Variants in PRKCE observed in about 807,000 individuals in gnomAD.
PRKCE encodes protein kinase C epsilon.
PRKCE carries 16 observed loss-of-function variants against 85.4 expected under a neutral mutation model. The observed-to-expected ratio is 0.19, with a 90% confidence interval of 0.13 to 0.28. The LOEUF (loss-of-function observed/expected upper bound fraction) is 0.28, where lower values mean the gene tolerates loss of function less well. PRKCE is among the 10% of genes least tolerant of loss of function. The probability of loss-of-function intolerance (pLI) is 1.00; values close to 1 mark genes in which losing one functional copy is unlikely to be tolerated. For missense variants in PRKCE, 573 were observed against 975.2 expected, an observed-to-expected ratio of 0.59 and a Z score of 5.49; for synonymous variants, 388 against 371.5, an observed-to-expected ratio of 1.04 and a Z score of -0.51.
At chr2:45,952,404 G>C (rs1400260493) in intron 2 of PRKCE, among the ~76,000 whole-genome samples, 1 of 152,164 alleles carries the variant, frequency 6.6e-6, no homozygotes, top group African/African-American at 2.4e-5. Context: ...ACACACAGAA[G>C]CACCCTGAAT....
intron 2 of PRKCE, among the ~76,000 whole-genome samples, chr2:45,936,488 C>G (rs1456825866): frequency 6.6e-6 from 1 of 152,226 alleles, no homozygotes; most frequent in Non-Finnish European, 1.5e-5. Flanking sequence ...TCTGCCCTCA[C>G]TGTCCTCCTC....
chr2:45,743,165 G>A (rs1290165588), intron 1 of PRKCE, among the ~76,000 whole-genome samples: 3 of 152,142 alleles, frequency 2.0e-5, no homozygotes, highest in African/African-American at 7.2e-5. Context: ...TCAATTATAA[G>A]ATGAATAAGT....
At chr2:45,675,392 G>A (rs1676384812) in intron 1 of PRKCE, 1 of 152,212 alleles carries the variant, frequency 6.6e-6, no homozygotes, top group African/African-American at 2.4e-5. Flanking sequence ...CCAGAGCAGT[G>A]AGGGCACTTG....
At chr2:45,773,050 C>T (rs1685467788) in intron 1 of PRKCE, among the ~76,000 whole-genome samples, 1 of 152,186 alleles carries the variant, frequency 6.6e-6, no homozygotes, top group African/African-American at 2.4e-5. Context: ...TTCCTTCTGG[C>T]TGCTCTGCTC....
intron 2 of PRKCE, among the ~76,000 whole-genome samples, chr2:45,939,771 T>C (rs1292879335): frequency 1.3e-5 from 2 of 152,192 alleles, no homozygotes; most frequent in Non-Finnish European, 2.9e-5. Flanking sequence ...ACCAGGATGG[T>C]CTTGATCTCT....
intron 14 of PRKCE, among the ~76,000 whole-genome samples, chr2:46,181,761 G>T (rs1275025435): frequency 2.0e-5 from 3 of 152,228 alleles, no homozygotes; most frequent in East Asian, 3.8e-4. Flanking sequence ...ATTTTCTGAA[G>T]TTCTTCATAC....
Position 45,962,712 on chromosome 2 carries a change from A to T in PRKCE, c.413-13717A>T, listed in dbSNP as rs1442524797. Reference sequence around the variant, plus strand: ...AAGCCTTAAGGCCCGAATAACTGGGAATCTGGCAAATTTCCTGGACTATGA... The same window carrying T: ...AAGCCTTAAGGCCCGAATAACTGGGTATCTGGCAAATTTCCTGGACTATGA... On this transcript the variant is annotated intron_variant, in intron 2 of 14. Coordinates refer to ENST00000306156, the MANE Select transcript of PRKCE (RefSeq NM_005400.3). Among the ~76,000 whole-genome samples the T allele has an allele frequency of 2.6e-5, 4 of 152,268 alleles. No homozygotes were observed. The East Asian group carries it at 7.7e-4, about 29-fold the overall frequency.
At chr2:45,967,709 T>G (rs1701827012) in intron 2 of PRKCE, among the ~76,000 whole-genome samples, 1 of 152,288 alleles carries the variant, frequency 6.6e-6, no homozygotes, top group South Asian at 2.1e-4. Flanking sequence ...TCTTTTTTTC[T>G]TTTTGCCTCA....
chr2:45,953,209 C>T (rs1373064470), intron 2 of PRKCE, among the ~76,000 whole-genome samples: 4 of 152,118 alleles, frequency 2.6e-5, no homozygotes, highest in Admixed American at 6.5e-5. Context: ...ATGGAACATA[C>T]CTAGAGGATC....
At chr2:45,886,491 T>C (rs1177141726) in intron 2 of PRKCE, among the ~76,000 whole-genome samples, 3 of 152,192 alleles carry the variant, frequency 2.0e-5, no homozygotes, top group Non-Finnish European at 2.9e-5. Flanking sequence ...CATTAAAAAG[T>C]GAAGCAACAG....
At chr2:46,055,108 C>A (rs1001799069) in intron 10 of PRKCE, among the ~76,000 whole-genome samples, 2 of 152,182 alleles carry the variant, frequency 1.3e-5, no homozygotes, top group African/African-American at 4.8e-5. Context: ...GGTATGCAGG[C>A]GCAAAAGGCC....
chr2:45,866,120 G>C (rs1693589288), intron 2 of PRKCE, among the ~76,000 whole-genome samples: 1 of 151,356 alleles, frequency 6.6e-6, no homozygotes, highest in African/African-American at 2.4e-5. Context: ...GTGCCCAGCA[G>C]TTCGTTTTCT....
chr2:45,949,424 TTG>T (rs796273625), intron 2 of PRKCE, among the ~76,000 whole-genome samples: 14 of 83,408 alleles, frequency 1.7e-4, no homozygotes, highest in African/African-American at 7.1e-4. Flanking sequence ...TTTTTGATTG[TTG>T]TTTTTTTTTT....
At chr2:45,719,579 C>G (rs1228325810) in intron 1 of PRKCE, among the ~76,000 whole-genome samples, 1 of 152,160 alleles carries the variant, frequency 6.6e-6, no homozygotes, top group Non-Finnish European at 1.5e-5. Flanking sequence ...ATCTGAAAGA[C>G]AGGACCAGGA....
At position 46,010,445 on chromosome 2, in the gene PRKCE, A is replaced by G. The variant is rs61730655; in HGVS notation, c.1365A>G (p.Thr455=). 12,771 of 1,599,712 alleles carry G rather than the reference A, an allele frequency of 8.0e-3. 75 individuals are homozygous for G. The highest frequency in any genetic ancestry group is 9.8e-3 in the Non-Finnish European group (11,562 of 1,179,920). ...ATGATGACGTGGACTGCACAATGACAGAGAAGAGGATTTTGGCTCTGGCAC... is the reference window on the plus strand; with the variant it reads ...ATGATGACGTGGACTGCACAATGACGGAGAAGAGGATTTTGGCTCTGGCAC... ...LQDDDVDCTM[T]EKRILALARK... The change falls in exon 10 of 15, where the codon ACA becomes ACG. Residue 455 remains threonine (T), a synonymous_variant. Coordinates refer to ENST00000306156, the MANE Select transcript of PRKCE (RefSeq NM_005400.3).
Position 46,185,040 on chromosome 2 carries a change from T to C in PRKCE, c.*159T>C, listed in dbSNP as rs969371266. ...TTGCATTCCCTTGCCCCAGGCCACC[T>C]CCTCCCCCTCCCACCTGGTGACCAG... On this transcript the variant is annotated 3_prime_UTR_variant, in exon 15 of 15. Transcript: ENST00000306156. The surrounding 1 kb of genome is among the most constrained non-coding windows in gnomAD (Gnocchi z 4.7). 1.4e-5 allele frequency: 14 copies of C among 966,020 alleles called. No homozygotes were observed. The African/African-American group carries it at 2.3e-4, about 16-fold the overall frequency. 59.8% of individuals were successfully genotyped at this position (966,020 alleles called of 1,614,324 possible). A position where few individuals can be genotyped will look rare whatever the true frequency, so the allele number is the denominator to read the frequency against.
chr2:45,968,350 A>G (rs1701873861), intron 2 of PRKCE, among the ~76,000 whole-genome samples: 1 of 152,212 alleles, frequency 6.6e-6, no homozygotes, highest in Non-Finnish European at 1.5e-5. Flanking sequence ...ACATTATTCC[A>G]TTATTCTAAG....
intron 11 of PRKCE, among the ~76,000 whole-genome samples, chr2:46,121,173 A>G (rs892448902): frequency 6.6e-6 from 1 of 152,248 alleles, no homozygotes; most frequent in Admixed American, 6.5e-5. Context: ...TAACCAGAGT[A>G]TCTTCACCCA....
chr2:45,977,694 GC>G lies in PRKCE; in HGVS notation c.572+1108del, dbSNP rs144936754. 3.3e-5 allele frequency among the ~76,000 whole-genome samples: 5 copies of G among 151,978 alleles called. No homozygotes were observed. The East Asian group carries it at 7.7e-4, about 24-fold the overall frequency. On this transcript the variant is annotated intron_variant, in intron 3 of 14. Transcript: ENST00000306156. ...GGGGCTGAGATAAAGATGATCGAAG[GC>G]CAGCCCCATTCCACTAACAATACCC...
Sources: gnomAD v4.1 joint callset for allele counts (sites outside exome capture counted in the v4.1 genomes callset) on GRCh38, gnomAD v4.1.1 for gene constraint, Gnocchi (gnomAD v3.1) non-coding constraint, MANE v1.5 for transcripts, NCBI Gene and HGNC (gene_info 2026-07-23, HGNC 2026-07-21) for gene names.